EBF1: variants seen among roughly 807,000 people sequenced by gnomAD.
EBF1 encodes transcription factor COE1.
A neutral mutation model predicts 68.4 loss-of-function variants in EBF1; 10 were observed. The observed-to-expected ratio is 0.15, with a 90% CI of 0.09 to 0.25. The LOEUF is 0.25. Among genes scored for constraint, EBF1 ranks in the 10% least tolerant of loss-of-function variants. EBF1 has a pLI of 1.00. For synonymous variants in EBF1, 298 were observed against 299.8 expected, an observed-to-expected ratio of 0.99 and a Z score of 0.06; for missense variants, 509 against 794.4, an observed-to-expected ratio of 0.64 and a Z score of 4.32.
intron 6 of EBF1, among the ~76,000 whole-genome samples, chr5:158,877,269 CACTT>C (rs1188414695): frequency 6.6e-6 from 1 of 152,184 alleles, no homozygotes; most frequent in African/African-American, 2.4e-5. Context: ...GCTACAGTGT[CACTT>C]ACTAGGTGCA....
intron 14 of EBF1, among the ~76,000 whole-genome samples, chr5:158,708,711 C>T (rs1303496969): frequency 6.6e-6 from 1 of 152,066 alleles, no homozygotes; most frequent in Non-Finnish European, 1.5e-5. Context: ...CCAGGTAGAG[C>T]CTAAACTAAA....
chr5:158,951,178 G>A (rs912369031), intron 6 of EBF1, among the ~76,000 whole-genome samples: 2 of 152,182 alleles, frequency 1.3e-5, no homozygotes, highest in Admixed American at 6.5e-5. Flanking sequence ...TTTGCAAGCT[G>A]TGACTTCCAA....
chr5:158,989,158 G>A lies in EBF1; in HGVS notation c.554+84238C>T, dbSNP rs115595601. Among the ~76,000 whole-genome samples, 549 of 152,220 alleles carry A rather than the reference G, an allele frequency of 3.6e-3. 3 individuals carry two copies. The highest frequency in any genetic ancestry group is 0.012 in the African/African-American group (498 of 41,516). On this transcript the variant is annotated intron_variant, in intron 6 of 15. Transcript: ENST00000313708. ...ACCCACCTCCAACACCTAATTGAGC[G>A]ACAACCCTCCATATCACAGCAGCTG...
intron 6 of EBF1, among the ~76,000 whole-genome samples, chr5:159,010,137 A>G (rs916522518): frequency 2.0e-5 from 3 of 152,228 alleles, no homozygotes; most frequent in Non-Finnish European, 4.4e-5. Flanking sequence ...GAAACAAAAG[A>G]CAGAAGTTAT....
In EBF1 at chr5:158,775,822, ACACACACT is replaced by A. The variant is rs1295484557; in HGVS notation, c.1036+1583_1036+1590del. ...CACACACACACACACACACACACAC[ACACACACT>A]GCTATGTGGAAGTTCTCATGGGAAA... On this transcript the variant is annotated intron_variant, in intron 10 of 15. Coordinates refer to ENST00000313708, the MANE Select transcript of EBF1 (RefSeq NM_024007.5). Among the ~76,000 whole-genome samples, 3 of 143,010 alleles carry A rather than the reference ACACACACT, an allele frequency of 2.1e-5. No individual in the cohort carries two copies. In the East Asian group the frequency reaches 5.9e-4, roughly 28 times the overall value. 93.8% of individuals were successfully genotyped at this position (143,010 alleles called of 152,430 possible).
chr5:159,003,234 T>C (rs184458503), intron 6 of EBF1, among the ~76,000 whole-genome samples: 120 of 152,288 alleles, frequency 7.9e-4, no homozygotes, highest in African/African-American at 2.7e-3. Flanking sequence ...TTAGCTTTGG[T>C]GTACAAAAAG....
chr5:158,962,086 G>A (rs755266754), intron 6 of EBF1, among the ~76,000 whole-genome samples: 1 of 152,164 alleles, frequency 6.6e-6, no homozygotes. Context: ...GACTGCTATC[G>A]ATGGCAGCAC....
intron 6 of EBF1, among the ~76,000 whole-genome samples, chr5:158,902,885 C>T (rs1392160642): frequency 6.6e-6 from 1 of 152,164 alleles, no homozygotes; most frequent in Non-Finnish European, 1.5e-5. Context: ...AGGAAAGGTT[C>T]TTTGACAGGT....
Position 158,713,046 on chromosome 5 carries a change from T to C in EBF1, c.1293A>G (p.Ala431=). The change falls in exon 13 of 16, where the codon GCA becomes GCG. Residue 431 remains alanine, a synonymous_variant. Coordinates refer to ENST00000313708, the MANE Select transcript of EBF1 (RefSeq NM_024007.5). The part of the protein sequence containing the change: ...LPALANTSVH[A]GMMGVNSFSG... ...TGAACGAATTCACGCCCATCATCCC[T>C]GCGTGGACCGAGGTGTTAGCAAGGG... The C allele has an allele frequency of 1.3e-6, 2 of 1,599,400 alleles. No homozygotes were observed. Among genetic ancestry groups the C allele is most frequent in the East Asian group, 2.3e-5 (1 of 43,958 alleles).
chr5:159,099,605 A>G lies in EBF1; in HGVS notation c.-127T>C, dbSNP rs1783275630. 5 of 1,284,568 alleles carry G rather than the reference A, an allele frequency of 3.9e-6. No individual in the cohort carries two copies. In the East Asian group the frequency reaches 1.1e-4, roughly 29 times the overall value. 79.6% of individuals were successfully genotyped at this position (1,284,568 alleles called of 1,614,324 possible). A position where few individuals can be genotyped will look rare whatever the true frequency, so the allele number is the denominator to read the frequency against. ...AACCAGAGATTTTTTTTTTTCTCAG[A>G]CGATGAACTCGCACTTAGAAGATCA... is the stretch of plus-strand genomic sequence containing the variant. On this transcript the variant is annotated 5_prime_UTR_variant, in exon 1 of 16. Coordinates refer to ENST00000313708, the MANE Select transcript of EBF1 (RefSeq NM_024007.5).
chr5:158,834,401 C>T (rs1199820942), intron 7 of EBF1, among the ~76,000 whole-genome samples: 1 of 152,102 alleles, frequency 6.6e-6, no homozygotes, highest in Non-Finnish European at 1.5e-5. Flanking sequence ...CAGCCTTCCT[C>T]ATACCCACCA....
intron 6 of EBF1, among the ~76,000 whole-genome samples, chr5:158,947,342 C>T (rs1037173015): frequency 1.3e-5 from 2 of 152,320 alleles, no homozygotes; most frequent in African/African-American, 2.4e-5. Flanking sequence ...GGAGAATCTC[C>T]TGGTCTGTGG....
chr5:158,812,402 T>G (rs916541847), intron 8 of EBF1, among the ~76,000 whole-genome samples: 3 of 152,124 alleles, frequency 2.0e-5, no homozygotes, highest in Non-Finnish European at 4.4e-5. Context: ...TAGCCCCCAT[T>G]TCAGCAGCAG....
intron 8 of EBF1, among the ~76,000 whole-genome samples, chr5:158,820,781 C>T (rs1343423640): frequency 3.9e-5 from 6 of 152,140 alleles, no homozygotes; most frequent in Non-Finnish European, 8.8e-5. Context: ...GACTTTAAAA[C>T]TTAGAATAAT....
intron 4 of EBF1, among the ~76,000 whole-genome samples, chr5:159,086,785 T>C (rs1292767995): frequency 6.6e-6 from 1 of 152,164 alleles, no homozygotes; most frequent in East Asian, 1.9e-4. Context: ...CTATCTTCTG[T>C]AGACGTAATC....
intron 15 of EBF1, among the ~76,000 whole-genome samples, chr5:158,700,675 CCAAA>C (rs1470163752): frequency 7.6e-6 from 1 of 131,414 alleles, no homozygotes; most frequent in Non-Finnish European, 1.5e-5. Context: ...AAGTATTTTG[CCAAA>C]CACTTTTTCC....
Position 158,738,354 on chromosome 5 carries a change from A to G in EBF1, c.1037-7197T>C, listed in dbSNP as rs145328468. The stretch of plus-strand genomic sequence containing the variant: ...ATGCACATTTCAAGTCTTTCAGTAT[A>G]CATATTTCCTAACTATCCTTCATAA... On this transcript the variant is annotated intron_variant, in intron 10 of 15. Transcript: ENST00000313708. Among the ~76,000 whole-genome samples, 1,004 of 152,380 alleles carry G rather than the reference A, an allele frequency of 6.6e-3. 5 individuals are homozygous for G. Among genetic ancestry groups the G allele is most frequent in the Non-Finnish European group, 0.012 (831 of 68,042 alleles).
intron 6 of EBF1, among the ~76,000 whole-genome samples, chr5:158,913,730 A>G (rs1806516814): frequency 6.6e-6 from 1 of 152,244 alleles, no homozygotes; most frequent in Non-Finnish European, 1.5e-5. Context: ...CCAAGGATAC[A>G]GTGCCTATTC....
At chr5:158,938,348 CCTCCTCTG>C (rs1357167188) in intron 6 of EBF1, among the ~76,000 whole-genome samples, 1 of 152,196 alleles carries the variant, frequency 6.6e-6, no homozygotes, top group Non-Finnish European at 1.5e-5. Context: ...CCCCTCCTCC[CCTCCTCTG>C]CTCCAGCATT....
Sources: allele counts gnomAD v4.1 joint callset (sites outside exome capture counted in the v4.1 genomes callset), GRCh38; gene constraint gnomAD v4.1.1; transcripts MANE v1.5; gene names NCBI Gene and HGNC (gene_info 2026-07-23, HGNC 2026-07-21).